ZDHHC13: variants seen among roughly 807,000 people sequenced by gnomAD.
ZDHHC13 encodes palmitoyltransferase ZDHHC13.
A neutral mutation model predicts 86.0 loss-of-function variants in ZDHHC13; 85 were observed. The observed-to-expected ratio is 0.99, with a 90% CI of 0.83 to 1.18. The LOEUF (loss-of-function observed/expected upper bound fraction) is 1.18, where lower values mean the gene tolerates loss of function less well. Ranked by LOEUF, ZDHHC13 falls within the 50% of genes most tolerant of loss-of-function variation. ZDHHC13 has a pLI of 0.00. For synonymous variants in ZDHHC13, 263 were observed against 246.4 expected (o/e 1.07, Z -0.63); for missense variants, 711 against 730.2 (o/e 0.97, Z 0.30).
rs756472770 is a variant in ZDHHC13, at chr11:19,146,308, G to T, written c.296+5G>T. 1 of 1,606,358 alleles carries T rather than the reference G, an allele frequency of 6.2e-7. No homozygotes were observed. Among genetic ancestry groups the T allele is most frequent in the Non-Finnish European group, 8.5e-7 (1 of 1,177,742 alleles). ...CAACAGACTGGATCTTGTAAAGTAAGATGGGATATGTGTGTTAATTGTGTA... is the reference window on the plus strand; with the variant it reads ...CAACAGACTGGATCTTGTAAAGTAATATGGGATATGTGTGTTAATTGTGTA... On this transcript the variant is annotated splice_donor_5th_base_variant and intron_variant, in intron 3 of 16. Transcript: ENST00000446113.
At chr11:19,165,030 C>T (rs1327472416) in intron 12 of ZDHHC13, 22 bp from the exon 13 acceptor site, 1 of 1,604,004 alleles carries the variant, frequency 6.2e-7, no homozygotes, top group Non-Finnish European at 8.5e-7. Flanking sequence ...TTTGCTTAGG[C>T]CTCTCTTAAT....
chr11:19,164,833 A>G (rs1373882859), intron 12 of ZDHHC13: 2 of 541,576 alleles, frequency 3.7e-6, no homozygotes, highest in East Asian at 3.1e-5. Flanking sequence ...GCCAGTGTGA[A>G]CAGGCTCTGG....
At chr11:19,166,440 T>C in intron 14 of ZDHHC13, 55 bp downstream of exon 14, 1 of 1,431,456 alleles carries the variant, frequency 7.0e-7, no homozygotes, top group Non-Finnish European at 9.7e-7. Context: ...ATTTCTACTT[T>C]TCCTTGTAAA....
intron 6 of ZDHHC13, 86 bp downstream of exon 6, chr11:19,150,877 G>T (rs1018765352): frequency 4.1e-6 from 5 of 1,217,820 alleles, no homozygotes; most frequent in Non-Finnish European, 4.8e-6. Flanking sequence ...CTGTGTCTAT[G>T]TGAGATGATA....
intron 14 of ZDHHC13, chr11:19,169,148 C>G (rs1850150624): frequency 1.0e-6 from 1 of 985,232 alleles, no homozygotes; most frequent in Non-Finnish European, 1.2e-6. Flanking sequence ...AAAAGAATTC[C>G]CAGAAGGGAG....
Position 19,117,385 on chromosome 11 carries a change from G to C in ZDHHC13, c.27+109G>C. 1.7e-6 allele frequency: 2 copies of C among 1,189,646 alleles called. No individual in the cohort carries two copies. Among genetic ancestry groups the C allele is most frequent in the Non-Finnish European group, 2.2e-6 (2 of 894,922 alleles). 73.7% of individuals were successfully genotyped at this position (1,189,646 alleles called of 1,614,324 possible). A position where few individuals can be genotyped will look rare whatever the true frequency, so the allele number is the denominator to read the frequency against. On this transcript the variant is annotated intron_variant, in intron 1 of 16. Transcript: ENST00000446113. This position sits in a 1 kb window ranked among gnomAD's most constrained non-coding sequence, Gnocchi z 4.2. ...CGCTCGATGAGGGGGTTTCGGGAGC[G>C]GCGGGGCCTAGGTCTGGGAAGCGGG...
At chr11:19,147,772 TCCC>T in intron 4 of ZDHHC13, 99 bp downstream of exon 4, 2 of 406,042 alleles carry the variant, frequency 4.9e-6, no homozygotes, top group Non-Finnish European at 8.0e-6. Context: ...TGTCTTTTCT[TCCC>T]CCCCCCCCTT....
chr11:19,118,521 C>G (rs1201054579), intron 1 of ZDHHC13, among the ~76,000 whole-genome samples: 1 of 152,168 alleles, frequency 6.6e-6, no homozygotes, highest in African/African-American at 2.4e-5. Flanking sequence ...GTAGGAGTAA[C>G]TATTATGTCT....
intron 14 of ZDHHC13, chr11:19,168,840 G>A (rs1379763437): frequency 4.1e-6 from 4 of 985,382 alleles, no homozygotes; most frequent in South Asian, 4.7e-5. Flanking sequence ...TTTACAAGGT[G>A]GATAGTAAGT....
At chr11:19,142,892 A>T (rs1849360078) in intron 1 of ZDHHC13, 86 bp from the exon 2 acceptor site, 7 of 1,351,358 alleles carry the variant, frequency 5.2e-6, no homozygotes, top group Non-Finnish European at 6.9e-6. Flanking sequence ...TAATATAGAT[A>T]TTGTTGATAG....
chr11:19,129,436 G>T (rs771101123), intron 1 of ZDHHC13, among the ~76,000 whole-genome samples: 7 of 151,944 alleles, frequency 4.6e-5, no homozygotes, highest in Non-Finnish European at 7.4e-5. Context: ...TTTCCCTTGT[G>T]TTGAAAGATT....
In ZDHHC13 at chr11:19,117,418, A is replaced by G. The variant is rs1361075235; in HGVS notation, c.27+142A>G. On this transcript the variant is annotated intron_variant, in intron 1 of 16. Coordinates refer to ENST00000446113, the MANE Select transcript of ZDHHC13 (RefSeq NM_019028.3). The surrounding 1 kb of genome is among the most constrained non-coding windows in gnomAD (Gnocchi z 4.2). ...CTAGGTCTGGGAAGCGGGAGCCTGG[A>G]AACACCACGAACGATGCTGGAAATT... 9 of 846,226 alleles carry G rather than the reference A, an allele frequency of 1.1e-5. No individual in the cohort carries two copies. The highest frequency in any genetic ancestry group is 1.8e-5 in the African/African-American group (1 of 55,622). 52.4% of individuals were successfully genotyped at this position (846,226 alleles called of 1,614,324 possible). A position where few individuals can be genotyped will look rare whatever the true frequency, so the allele number is the denominator to read the frequency against.
intron 1 of ZDHHC13, among the ~76,000 whole-genome samples, chr11:19,132,664 A>C (rs772159602): frequency 6.6e-6 from 1 of 152,212 alleles, no homozygotes; most frequent in South Asian, 2.1e-4. Context: ...TCAATTTAGC[A>C]AGGCTGCTGG....
chr11:19,166,521 A>G lies in ZDHHC13; in HGVS notation c.1474+136A>G, dbSNP rs1850074251. On this transcript the variant is annotated intron_variant, in intron 14 of 16. Coordinates refer to ENST00000446113, the MANE Select transcript of ZDHHC13 (RefSeq NM_019028.3). ...TAATAAAAACAAAGCAAATGCCTCT[A>G]AGACTCCCTCAGCATTGGGAAGCTG... is the stretch of plus-strand genomic sequence containing the variant. 4.9e-6 allele frequency: 3 copies of G among 610,174 alleles called. No homozygotes were observed. The East Asian group carries it at 9.4e-5, about 19-fold the overall frequency. 37.8% of individuals were successfully genotyped at this position (610,174 alleles called of 1,614,324 possible).
At chr11:19,122,831 T>A (rs16936175) in intron 1 of ZDHHC13, among the ~76,000 whole-genome samples, 1,609 of 152,366 alleles carry the variant, frequency 0.011, 94 homozygotes, top group Admixed American at 0.083. Flanking sequence ...CATTACCTAG[T>A]GGGTCACTGC....
intron 6 of ZDHHC13, 66 bp downstream of exon 6, chr11:19,150,857 T>G: frequency 6.9e-7 from 1 of 1,444,582 alleles, no homozygotes; most frequent in African/African-American, 1.4e-5. Flanking sequence ...GTGTATGTAA[T>G]TTTAAGTATC....
intron 4 of ZDHHC13, among the ~76,000 whole-genome samples, 155 bp downstream of exon 4, chr11:19,147,828 A>G (rs879835096): frequency 3.7e-5 from 5 of 135,994 alleles, no homozygotes; most frequent in Non-Finnish European, 6.3e-5. Flanking sequence ...TGCAGAAAGG[A>G]TGTTTTCGAT....
chr11:19,123,399 G>A (rs781665558), intron 1 of ZDHHC13, among the ~76,000 whole-genome samples: 2 of 152,034 alleles, frequency 1.3e-5, no homozygotes, highest in Non-Finnish European at 1.5e-5. Context: ...GGCCAAGACG[G>A]AAGGATAACT....
In ZDHHC13 at chr11:19,143,003, A is replaced by C. The variant is rs1056473256; in HGVS notation, c.53A>C (p.His18Pro). ...TGCAGGAATCACAGCCATGGCCCCCACCCTCCAGGATTTGGTCGATATGGC... is the reference window on the plus strand; with the variant it reads ...TGCAGGAATCACAGCCATGGCCCCCCCCCTCCAGGATTTGGTCGATATGGC... ...SQCRNHSHGP[H>P]PPGFGRYGIC... The change falls in exon 2 of 17, where the codon CAC (histidine) becomes CCC (proline). Residue 18 changes from histidine (H) to proline (P), a missense_variant. Coordinates refer to ENST00000446113, the MANE Select transcript of ZDHHC13 (RefSeq NM_019028.3). 3 of 1,610,488 alleles carry C rather than the reference A, an allele frequency of 1.9e-6. No homozygotes were observed. The highest frequency in any genetic ancestry group is 1.7e-5 in the Admixed American group (1 of 59,452).
Sources: allele counts gnomAD v4.1 joint callset (sites outside exome capture counted in the v4.1 genomes callset), GRCh38; gene constraint gnomAD v4.1.1; non-coding constraint Gnocchi (gnomAD v3.1); transcripts MANE v1.5; gene names NCBI Gene and HGNC (gene_info 2026-07-23, HGNC 2026-07-21).